SDK1: variants seen among roughly 807,000 people sequenced by gnomAD.
SDK1 encodes the protein protein sidekick-1.
Under a neutral mutation model 245.5 loss-of-function variants are expected in SDK1, and 157 were observed. The ratio of observed to expected loss-of-function variants is 0.64; its 90% CI spans 0.56 to 0.73. The LOEUF is 0.73. SDK1 is among the 30% of genes least tolerant of loss of function. SDK1 has a pLI of 0.00. For missense variants in SDK1, 3,583 were observed against 3,002.3 expected (o/e 1.19, Z -4.52); for synonymous variants, 1,647 against 1,278.5 (o/e 1.29, Z -6.15).
At chr7:3,629,026 C>T (rs1583245791) in intron 2 of SDK1, among the ~76,000 whole-genome samples, 1 of 152,022 alleles carries the variant, frequency 6.6e-6, no homozygotes, top group East Asian at 1.9e-4. Flanking sequence ...AGCGCAGTGG[C>T]TCACACCTAT....
intron 1 of SDK1, among the ~76,000 whole-genome samples, chr7:3,550,647 A>G (rs1779371761): frequency 6.6e-6 from 1 of 152,232 alleles, no homozygotes; most frequent in Non-Finnish European, 1.5e-5. Flanking sequence ...TGTGCTGATT[A>G]TATCCATTTG....
At chr7:3,616,841 AC>A (rs1781787329) in intron 1 of SDK1, among the ~76,000 whole-genome samples, 1 of 152,234 alleles carries the variant, frequency 6.6e-6, no homozygotes, top group Non-Finnish European at 1.5e-5. Flanking sequence ...TATTAAATGT[AC>A]AGTAGTTTAT....
At chr7:4,203,608 G>A (rs939873245) in intron 35 of SDK1, among the ~76,000 whole-genome samples, 2 of 151,454 alleles carry the variant, frequency 1.3e-5, no homozygotes, top group Admixed American at 6.6e-5. Context: ...AACAAAAAAC[G>A]AACGACAATC....
chr7:3,754,142 C>T (rs1271814291), intron 4 of SDK1, among the ~76,000 whole-genome samples: 1 of 152,276 alleles, frequency 6.6e-6, no homozygotes, highest in East Asian at 1.9e-4. Context: ...GAAGTTGGCT[C>T]TTGGAGAGGT....
chr7:4,214,925 G>A (rs1784708242), intron 38 of SDK1, among the ~76,000 whole-genome samples: 1 of 152,224 alleles, frequency 6.6e-6, no homozygotes, highest in Non-Finnish European at 1.5e-5. Flanking sequence ...CCTGAGTCTG[G>A]CTATAGGTTC....
At chr7:3,795,163 C>T (rs951243397) in intron 4 of SDK1, among the ~76,000 whole-genome samples, 1 of 152,164 alleles carries the variant, frequency 6.6e-6, no homozygotes, top group Non-Finnish European at 1.5e-5. Flanking sequence ...CTTTTAACCA[C>T]ATCAAGTTGC....
chr7:3,670,996 C>T (rs1200065715), intron 4 of SDK1, among the ~76,000 whole-genome samples: 4 of 152,256 alleles, frequency 2.6e-5, no homozygotes, highest in South Asian at 2.1e-4. Context: ...ATAGTTACCA[C>T]GATTACAGTT....
chr7:3,680,113 T>G (rs1024755239), intron 4 of SDK1, among the ~76,000 whole-genome samples: 1 of 152,142 alleles, frequency 6.6e-6, no homozygotes, highest in Non-Finnish European at 1.5e-5. Flanking sequence ...ATAAAAGGAA[T>G]GAATGAATGA....
intron 4 of SDK1, among the ~76,000 whole-genome samples, chr7:3,768,249 A>C (rs1379917746): frequency 1.3e-5 from 2 of 152,206 alleles, no homozygotes; most frequent in Admixed American, 1.3e-4. Flanking sequence ...CCTAAGTTGC[A>C]ACAGAAAAAC....
intron 4 of SDK1, among the ~76,000 whole-genome samples, chr7:3,800,359 T>C (rs1405334958): frequency 6.8e-6 from 1 of 147,422 alleles, no homozygotes; most frequent in Non-Finnish European, 1.5e-5. Context: ...TTTTACTTAC[T>C]TACTTACTTA....
At chr7:3,748,887 C>T (rs370139419) in intron 4 of SDK1, among the ~76,000 whole-genome samples, 200 of 152,290 alleles carry the variant, frequency 1.3e-3, no homozygotes, top group African/African-American at 4.6e-3. Flanking sequence ...ATGATTCATC[C>T]TGTCCAGACA....
At chr7:3,398,668 TA>T in intron 1 of SDK1, among the ~76,000 whole-genome samples, 1 of 151,922 alleles carries the variant, frequency 6.6e-6, no homozygotes, top group African/African-American at 2.4e-5. Flanking sequence ...TTTATTTATT[TA>T]TTTTTTTAAC....
intron 40 of SDK1, among the ~76,000 whole-genome samples, chr7:4,224,460 A>G (rs557099106): frequency 6.6e-6 from 1 of 152,322 alleles, no homozygotes; most frequent in African/African-American, 2.4e-5. Context: ...TTGTAAGAAC[A>G]GCACCAAAGG....
intron 1 of SDK1, among the ~76,000 whole-genome samples, chr7:3,546,770 C>G (rs1020342564): frequency 3.3e-5 from 5 of 152,196 alleles, no homozygotes; most frequent in African/African-American, 7.2e-5. Flanking sequence ...ATCTAGAAAT[C>G]TCTCATATTA....
Position 3,392,961 on chromosome 7 carries a change from A to ATTTTTTTTTT in SDK1, c.298+91087_298+91096dup, listed in dbSNP as rs572782966. Among the ~76,000 whole-genome samples, 54 of 87,090 alleles carry ATTTTTTTTTT rather than the reference A, an allele frequency of 6.2e-4. 2 individuals carry two copies. The highest frequency in any genetic ancestry group is 8.9e-4 in the Non-Finnish European group (42 of 47,370). 57.1% of individuals were successfully genotyped at this position (87,090 alleles called of 152,430 possible). A position where few individuals can be genotyped will look rare whatever the true frequency, so the allele number is the denominator to read the frequency against. ...GTATCTGTTTGAGTCCCTGTTTTAA[A>ATTTTTTTTTT]TTTTTTTTTTTTTTTTTTTCTTTTT... On this transcript the variant is annotated intron_variant, in intron 1 of 44. Transcript: ENST00000404826.
At chr7:3,991,309 G>T (rs369299640) in intron 14 of SDK1, among the ~76,000 whole-genome samples, 2 of 152,186 alleles carry the variant, frequency 1.3e-5, no homozygotes, top group African/African-American at 4.8e-5. Flanking sequence ...ACCTGGGAAA[G>T]TTCTTCCTCC....
chr7:3,896,536 C>G (rs1781610784), intron 5 of SDK1, among the ~76,000 whole-genome samples: 1 of 152,214 alleles, frequency 6.6e-6, no homozygotes, highest in Non-Finnish European at 1.5e-5. Context: ...TGGGCCTCCG[C>G]AGACTCTAAA....
intron 1 of SDK1, among the ~76,000 whole-genome samples, chr7:3,415,265 A>G (rs994547575): frequency 2.0e-5 from 3 of 152,214 alleles, no homozygotes; most frequent in Admixed American, 6.5e-5. Context: ...TCATTCATGC[A>G]TTGGTTAAAA....
At chr7:3,672,794 TA>T (rs1221003792) in intron 4 of SDK1, among the ~76,000 whole-genome samples, 1 of 65,562 alleles carries the variant, frequency 1.5e-5, no homozygotes, top group Non-Finnish European at 3.2e-5. Context: ...TATATATATA[TA>T]AAAAATACAG....
Sources: allele counts gnomAD v4.1 joint callset (sites outside exome capture counted in the v4.1 genomes callset), GRCh38; gene constraint gnomAD v4.1.1; transcripts MANE v1.5; gene names NCBI Gene and HGNC (gene_info 2026-07-23, HGNC 2026-07-21).